The following RBCK1 variants were observed in gnomAD, a reference collection of about 807,000 sequenced individuals.
RBCK1 encodes the protein ranBP-type and C3HC4-type zinc finger-containing protein 1.
Under a neutral mutation model 71.1 loss-of-function variants are expected in RBCK1, and 44 were observed. The observed-to-expected ratio is 0.62, with a 90% CI of 0.49 to 0.80. The LOEUF (loss-of-function observed/expected upper bound fraction) is 0.80. RBCK1 is among the 30% of genes least tolerant of loss of function. RBCK1 has a pLI of 0.00. For synonymous variants in RBCK1, 306 were observed against 279.7 expected, an observed-to-expected ratio of 1.09 and a Z score of -0.94; for missense variants, 569 against 685.0, an observed-to-expected ratio of 0.83 and a Z score of 1.89.
chr20:410,622 T>G lies in RBCK1; in HGVS notation c.167+597T>G, dbSNP rs1352315141. On this transcript the variant is annotated intron_variant, in intron 2 of 11. Transcript: ENST00000356286. ...GTATAGCCAAGATATTCAGCTAGAA[T>G]TCAGGGGTTCGCTTGGTAAGGGAAG... 3 of 766,906 alleles carry G rather than the reference T, an allele frequency of 3.9e-6. No individual in the cohort carries two copies. In the African/African-American group the frequency reaches 5.1e-5, roughly 13 times the overall value. The allele number at this position is 766,906 out of a possible 1,614,324, so 47.5% of individuals were successfully genotyped here.
At chr20:410,439 C>T (rs2015635537) in intron 2 of RBCK1, 1 of 779,574 alleles carries the variant, frequency 1.3e-6, no homozygotes, top group African/African-American at 1.7e-5. Context: ...ATGGCCATTC[C>T]AGCTCCATCC....
In RBCK1 at chr20:431,672, G is replaced by A. The variant is rs905883732; in HGVS notation, c.*1242G>A. The stretch of plus-strand genomic sequence containing the variant: ...CACTGCCACCTGCCGTTGGATGCCA[G>A]GACTCAAGAGCTGGCCCCAGTCACT... On this transcript the variant is annotated 3_prime_UTR_variant, in exon 12 of 12. Coordinates refer to ENST00000356286, the MANE Select transcript of RBCK1 (RefSeq NM_031229.4). This position sits in a 1 kb window ranked among gnomAD's most constrained non-coding sequence, Gnocchi z 4.8. 2.0e-5 allele frequency among the ~76,000 whole-genome samples: 3 copies of A among 152,204 alleles called. No individual in the cohort carries two copies. Among genetic ancestry groups the A allele is most frequent in the Admixed American group, 2.0e-4 (3 of 15,272 alleles).
At chr20:415,193 T>G (rs138806187) in intron 2 of RBCK1, among the ~76,000 whole-genome samples, 1 of 152,002 alleles carries the variant, frequency 6.6e-6, no homozygotes, top group Non-Finnish European at 1.5e-5. Context: ...CTGGGCAACA[T>G]AGTGAAACCT....
intron 7 of RBCK1, among the ~76,000 whole-genome samples, chr20:421,370 C>T (rs1600299369): frequency 6.6e-6 from 1 of 152,222 alleles, no homozygotes; most frequent in African/African-American, 2.4e-5. Context: ...AGTCTCCTGT[C>T]ATGGCCCCCC....
At chr20:420,380 C>T in intron 6 of RBCK1, 2 of 984,970 alleles carry the variant, frequency 2.0e-6, no homozygotes, top group Non-Finnish European at 2.4e-6. Context: ...CTGCATTCCC[C>T]TTGGACCCGG....
At chr20:421,150 C>A (rs2016410401) in intron 7 of RBCK1, 119 bp downstream of exon 7, 2 of 1,264,280 alleles carry the variant, frequency 1.6e-6, no homozygotes, top group Non-Finnish European at 2.1e-6. Context: ...CGAAAACCTA[C>A]GAGGTAGGCT....
Position 427,351 on chromosome 20 carries a change from G to C in RBCK1, c.1068G>C (p.Leu356=). ...AGGATTACCAGCGATTTCTAGACCT[G>C]GGCATCTCCATTGCTGAAAACCGCA... ...TPEDYQRFLD[L]GISIAENRSA... is the part of the protein sequence containing the mutation. Residue 356 remains leucine (L), a synonymous_variant, in exon 9 of 12, where the codon CTG becomes CTC. Coordinates refer to ENST00000356286, the MANE Select transcript of RBCK1 (RefSeq NM_031229.4). The C allele has an allele frequency of 1.2e-6, 2 of 1,614,112 alleles. No homozygotes were observed.
In RBCK1 at chr20:421,774, G is replaced by A. The variant is rs137898372; in HGVS notation, c.918-353G>A. On this transcript the variant is annotated intron_variant, in intron 7 of 11. Transcript: ENST00000356286. Reference sequence around the variant, plus strand: ...GTGTTGGGTACGTGAGCAGCAGTGAGGAGTTGGGATTTGTTCTGGGTAGGA... The same window carrying A: ...GTGTTGGGTACGTGAGCAGCAGTGAAGAGTTGGGATTTGTTCTGGGTAGGA... Among the ~76,000 whole-genome samples the A allele has an allele frequency of 6.1e-3, 923 of 152,224 alleles. 5 individuals carry two copies. The highest frequency in any genetic ancestry group is 7.6e-3 in the Non-Finnish European group (518 of 68,012).
chr20:422,044 G>A lies in RBCK1; in HGVS notation c.918-83G>A. 1.8e-6 allele frequency: 2 copies of A among 1,085,812 alleles called. No homozygotes were observed. 67.3% of individuals were successfully genotyped at this position (1,085,812 alleles called of 1,614,324 possible). On this transcript the variant is annotated intron_variant, in intron 7 of 11. Coordinates refer to ENST00000356286, the MANE Select transcript of RBCK1 (RefSeq NM_031229.4). This position sits in a 1 kb window ranked among gnomAD's most constrained non-coding sequence, Gnocchi z 5.0. Reference sequence around the variant, plus strand: ...GGGGTGACTGAGTGAGGCCCCTGGGGTCAGGCCTTGCCATGTGAGGGATGG... The same window carrying A: ...GGGGTGACTGAGTGAGGCCCCTGGGATCAGGCCTTGCCATGTGAGGGATGG...
intron 6 of RBCK1, chr20:420,604 G>T (rs1380808741): frequency 1.1e-6 from 1 of 917,548 alleles, no homozygotes; most frequent in African/African-American, 2.7e-5. Flanking sequence ...CCCCTCCCTT[G>T]GCTTCCCCAC....
chr20:420,123 C>G (rs1186524190), intron 6 of RBCK1: 1 of 984,954 alleles, frequency 1.0e-6, no homozygotes, highest in Admixed American at 6.2e-5. Flanking sequence ...CGTCTGTGAC[C>G]TAAGCCTGCT....
intron 4 of RBCK1, among the ~76,000 whole-genome samples, chr20:418,414 G>A (rs1028810634): frequency 4.6e-5 from 7 of 152,082 alleles, no homozygotes; most frequent in Non-Finnish European, 7.4e-5. Flanking sequence ...TGTCGCCCAG[G>A]CTGGAGTGCA....
chr20:410,271 G>A, intron 2 of RBCK1: 2 of 647,510 alleles, frequency 3.1e-6, no homozygotes, highest in Non-Finnish European at 5.6e-6. Context: ...GTATTAGGAT[G>A]TTAGGCCTTA....
Position 417,877 on chromosome 20 carries a change from C to A in RBCK1, c.407C>A (p.Thr136Asn). 6.2e-7 allele frequency: 1 copy of A among 1,613,110 alleles called. No homozygotes were observed. Among genetic ancestry groups the A allele is most frequent in the Non-Finnish European group, 8.5e-7 (1 of 1,180,022 alleles). The change falls in exon 4 of 12, where the codon ACC becomes AAC. Residue 136 changes from threonine to asparagine, a missense_variant. By Grantham distance (65) the Thr-to-Asn change is moderately conservative (BLOSUM62 0). Coordinates refer to ENST00000356286, the MANE Select transcript of RBCK1 (RefSeq NM_031229.4). The surrounding 1 kb of genome is among the most constrained non-coding windows in gnomAD (Gnocchi z 4.7). Reference sequence around the variant, plus strand: ...CTCTATCTGCTGTCAGCCCGCAACACCTCCCTCAACCCTCAGGAGCTGCAG... The same window carrying A: ...CTCTATCTGCTGTCAGCCCGCAACAACTCCCTCAACCCTCAGGAGCTGCAG... ...AYLYLLSARN[T>N]SLNPQELQRE...
At position 421,005 on chromosome 20, in the gene RBCK1, G is replaced by T; in HGVS notation, c.891G>T (p.Leu297=). The T allele has an allele frequency of 6.4e-7, 1 of 1,567,018 alleles. No individual in the cohort carries two copies. The highest frequency in any genetic ancestry group is 8.6e-7 in the Non-Finnish European group (1 of 1,157,038). Residue 297 remains leucine (L), a synonymous_variant, in exon 7 of 12, where the codon CTG becomes CTT. Transcript: ENST00000356286. ...TGGCGCCCGGCGAGGCCGTGGTGCT[G>T]CGTGAGTGTCTGCACACCTTCTGCA... ...SVLAPGEAVV[L]RECLHTFCRE...
Position 417,350 on chromosome 20 carries a change from C to T in RBCK1, c.168-176C>T, listed in dbSNP as rs1335628896. On this transcript the variant is annotated intron_variant, in intron 2 of 11. Transcript: ENST00000356286. The surrounding 1 kb of genome is among the most constrained non-coding windows in gnomAD (Gnocchi z 4.7). ...ATTGGAGGGGCCTAACTGGTGGGTT[C>T]TAATAAAGGAAGAAGCATGGGTGGG... 1.3e-6 allele frequency: 1 copy of T among 743,104 alleles called. No individual in the cohort carries two copies. The highest frequency in any genetic ancestry group is 2.5e-6 in the Non-Finnish European group (1 of 401,746). 46.0% of individuals were successfully genotyped at this position (743,104 alleles called of 1,614,324 possible). A position where few individuals can be genotyped will look rare whatever the true frequency, so the allele number is the denominator to read the frequency against.
intron 2 of RBCK1, among the ~76,000 whole-genome samples, chr20:414,730 G>T (rs1402641075): frequency 6.6e-6 from 1 of 152,202 alleles, no homozygotes. Flanking sequence ...ATTCACTATA[G>T]AATAACTAGT....
chr20:421,220 C>T (rs1290169706), intron 7 of RBCK1, among the ~76,000 whole-genome samples, 189 bp downstream of exon 7: 1 of 152,200 alleles, frequency 6.6e-6, no homozygotes, highest in Non-Finnish European at 1.5e-5. Context: ...CGCCTTACCC[C>T]AGGCCCACGG....
chr20:419,736 G>T lies in RBCK1; in HGVS notation c.756+5G>T. On this transcript the variant is annotated splice_donor_5th_base_variant and intron_variant, in intron 6 of 11. Coordinates refer to ENST00000356286, the MANE Select transcript of RBCK1 (RefSeq NM_031229.4). ...GCGCTGCGTCAGTACCAGCAGGTGG[G>T]CGGGAAAGTCCCTGGACAGACACCT... 1.3e-6 allele frequency: 2 copies of T among 1,551,284 alleles called. No individual in the cohort carries two copies. The highest frequency in any genetic ancestry group is 8.7e-7 in the Non-Finnish European group (1 of 1,152,062).
Sources: allele counts gnomAD v4.1 joint callset (sites outside exome capture counted in the v4.1 genomes callset), GRCh38; gene constraint gnomAD v4.1.1; non-coding constraint Gnocchi (gnomAD v3.1); transcripts MANE v1.5; gene names NCBI Gene and HGNC (gene_info 2026-07-23, HGNC 2026-07-21).